CBFB: variants seen among roughly 807,000 people sequenced by gnomAD.
The protein encoded by CBFB is core-binding factor subunit beta.
CBFB carries 9 observed loss-of-function variants against 30.4 expected under a neutral mutation model. The ratio of observed to expected loss-of-function variants is 0.30; its 90% CI spans 0.18 to 0.52. The LOEUF is 0.52. CBFB is among the 20% of genes least tolerant of loss of function. The probability of loss-of-function intolerance (pLI) is 0.97; values close to 1 mark genes in which losing one functional copy is unlikely to be tolerated. For synonymous variants in CBFB, 94 were observed against 84.0 expected, an observed-to-expected ratio of 1.12 and a Z score of -0.65; for missense variants, 170 against 244.0, an observed-to-expected ratio of 0.70 and a Z score of 2.02.
At chr16:67,057,918 G>C (rs911606467) in intron 3 of CBFB, among the ~76,000 whole-genome samples, 9 of 152,114 alleles carry the variant, frequency 5.9e-5, no homozygotes, top group Non-Finnish European at 1.3e-4. Context: ...GTATGTTTTA[G>C]TATCTGAAAG....
At chr16:67,033,827 T>G (rs992205846) in intron 2 of CBFB, among the ~76,000 whole-genome samples, 5 of 146,968 alleles carry the variant, frequency 3.4e-5, no homozygotes, top group African/African-American at 7.6e-5. Context: ...TTGTTTTTTT[T>G]TTTTTTTTTT....
intron 3 of CBFB, among the ~76,000 whole-genome samples, chr16:67,038,013 T>C (rs1044013515): frequency 2.6e-5 from 4 of 152,030 alleles, no homozygotes; most frequent in African/African-American, 7.2e-5. Flanking sequence ...TGATTCTTGA[T>C]TGAGAAGTCA....
chr16:67,074,887 A>G (rs918368081), intron 4 of CBFB, among the ~76,000 whole-genome samples: 2 of 152,140 alleles, frequency 1.3e-5, no homozygotes, highest in Non-Finnish European at 2.9e-5. Context: ...TTTTCTGGCA[A>G]AGGACTTACA....
chr16:67,046,536 A>G (rs935090342), intron 3 of CBFB, among the ~76,000 whole-genome samples: 2 of 152,222 alleles, frequency 1.3e-5, no homozygotes, highest in Non-Finnish European at 2.9e-5. Flanking sequence ...AATCAGCATT[A>G]TTGAGGTATA....
intron 4 of CBFB, among the ~76,000 whole-genome samples, chr16:67,080,994 A>G (rs1304423991): frequency 6.6e-6 from 1 of 152,018 alleles, no homozygotes; most frequent in African/African-American, 2.4e-5. Flanking sequence ...TTATATATAT[A>G]CTTTTAAGTT....
Position 67,098,913 on chromosome 16 carries a change from T to TA in CBFB, c.*136dup. 5.0e-6 allele frequency: 3 copies of TA among 600,448 alleles called. No individual in the cohort carries two copies. The highest frequency in any genetic ancestry group is 9.0e-6 in the Non-Finnish European group (3 of 332,790). The allele number at this position is 600,448 out of a possible 1,614,324, so 37.2% of individuals were successfully genotyped here. A position where few individuals can be genotyped will look rare whatever the true frequency, so the allele number is the denominator to read the frequency against. On this transcript the variant is annotated 3_prime_UTR_variant, in exon 6 of 6. Coordinates refer to ENST00000412916, the MANE Select transcript of CBFB (RefSeq NM_022845.3). The stretch of plus-strand genomic sequence containing the variant: ...TCTATTTCTCAACCTTAGGCAGTAA[T>TA]AGACATCACAAACTGCCATGGTTTT...
intron 1 of CBFB, 114 bp from the exon 2 acceptor site, chr16:67,029,613 G>A: frequency 7.6e-7 from 1 of 1,312,664 alleles, no homozygotes; most frequent in Non-Finnish European, 1.0e-6. Flanking sequence ...AATCTCGCCG[G>A]GGCGGCCATC....
intron 5 of CBFB, among the ~76,000 whole-genome samples, chr16:67,087,747 G>A (rs1396008369): frequency 6.6e-6 from 1 of 152,082 alleles, no homozygotes; most frequent in Non-Finnish European, 1.5e-5. Context: ...TGAGAGCATG[G>A]GCTTTGTAGT....
intron 3 of CBFB, among the ~76,000 whole-genome samples, chr16:67,049,343 ACAGGAGCCTGCC>A (rs1443554524): frequency 2.6e-5 from 4 of 152,160 alleles, no homozygotes; most frequent in African/African-American, 9.6e-5. Flanking sequence ...AGCTGGGATT[ACAGGAGCCTGCC>A]ACCACACCCG....
intron 2 of CBFB, among the ~76,000 whole-genome samples, chr16:67,034,435 G>A (rs1175915378): frequency 1.3e-5 from 2 of 152,048 alleles, no homozygotes; most frequent in Non-Finnish European, 2.9e-5. Context: ...TTCCTATGAC[G>A]ATGTTGACAC....
chr16:67,085,592 T>C (rs2145775946), intron 5 of CBFB, among the ~76,000 whole-genome samples: 1 of 151,794 alleles, frequency 6.6e-6, no homozygotes, highest in South Asian at 2.1e-4. Context: ...CCTCGTGGGC[T>C]CAAGCAGTTC....
intron 3 of CBFB, among the ~76,000 whole-genome samples, chr16:67,063,230 G>A (rs1403195645): frequency 6.6e-6 from 1 of 152,130 alleles, no homozygotes; most frequent in Admixed American, 6.5e-5. Context: ...CAGAACAGAA[G>A]GAAATGTGTG....
chr16:67,029,394 C>T lies in CBFB; in HGVS notation c.-14C>T, dbSNP rs909736069. On this transcript the variant is annotated 5_prime_UTR_variant, in exon 1 of 6. Coordinates refer to ENST00000412916, the MANE Select transcript of CBFB (RefSeq NM_022845.3). ...CCCGAGCGCGGCCGGCCGGCGCGGC[C>T]TCAGGGCGGGAAGATGCCGCGCGTC... 1.1e-5 allele frequency: 17 copies of T among 1,525,806 alleles called. No individual in the cohort carries two copies. The highest frequency in any genetic ancestry group is 2.9e-5 in the African/African-American group (2 of 69,288). 94.5% of individuals were successfully genotyped at this position (1,525,806 alleles called of 1,614,324 possible).
intron 3 of CBFB, among the ~76,000 whole-genome samples, chr16:67,046,682 T>C (rs1182550775): frequency 6.6e-6 from 1 of 152,196 alleles, no homozygotes; most frequent in Non-Finnish European, 1.5e-5. Flanking sequence ...AGTGTTCTAA[T>C]TGATGCAGAC....
At chr16:67,093,728 C>T (rs1047362935) in intron 5 of CBFB, 1 of 152,106 alleles carries the variant, frequency 6.6e-6, no homozygotes, top group African/African-American at 2.4e-5. Flanking sequence ...ATTAAAACCC[C>T]AATTCTGAAA....
intron 3 of CBFB, among the ~76,000 whole-genome samples, chr16:67,059,252 G>A (rs760223526): frequency 1.9e-4 from 29 of 152,154 alleles, no homozygotes; most frequent in Non-Finnish European, 2.8e-4. Context: ...AGTAGACTTA[G>A]GTTCTTCCTT....
chr16:67,054,433 G>A (rs891830518), intron 3 of CBFB, among the ~76,000 whole-genome samples: 4 of 152,062 alleles, frequency 2.6e-5, no homozygotes, highest in East Asian at 1.9e-4. Flanking sequence ...CCATGTTTTG[G>A]TATTTATCTA....
At chr16:67,049,647 T>G (rs1422072144) in intron 3 of CBFB, among the ~76,000 whole-genome samples, 1 of 150,704 alleles carries the variant, frequency 6.6e-6, no homozygotes, top group African/African-American at 2.5e-5. Flanking sequence ...GCACCAGCTG[T>G]TTTTTTTTGT....
rs1162307047 is a variant in CBFB at position 67,092,696 on chromosome 16, A to ATTTTTTTTTTT, written c.496-6013_496-6012insTTTTTTTTTTT. 5.5e-4 allele frequency among the ~76,000 whole-genome samples: 52 copies of ATTTTTTTTTTT among 94,670 alleles called. 2 individuals are homozygous for ATTTTTTTTTTT. The highest frequency in any genetic ancestry group is 1.4e-3 in the South Asian group (4 of 2,780). The allele number at this position is 94,670 out of a possible 152,430, so 62.1% of individuals were successfully genotyped here. ...ACCCAGGCTAGGTTACAGTGGTGCAATCTTTTTTTTTTTTTTTTTTTTTTT... is the reference window on the plus strand; with the variant it reads ...ACCCAGGCTAGGTTACAGTGGTGCAATTTTTTTTTTTTCTTTTTTTTTTTTTTTTTTTTTTT... On this transcript the variant is annotated intron_variant, in intron 5 of 5. Transcript: ENST00000412916.
Sources: allele counts gnomAD v4.1 joint callset (sites outside exome capture counted in the v4.1 genomes callset), GRCh38; gene constraint gnomAD v4.1.1; transcripts MANE v1.5; gene names NCBI Gene and HGNC (gene_info 2026-07-23, HGNC 2026-07-21).